OTOGL: variants seen among roughly 807,000 people sequenced by gnomAD.
The protein encoded by OTOGL is otogelin like, also known as otogelin-like protein.
In OTOGL, 285 loss-of-function variants were observed where a neutral mutation model predicts 318.5. The ratio of observed to expected loss-of-function variants is 0.89; its 90% CI spans 0.81 to 0.99. The LOEUF (loss-of-function observed/expected upper bound fraction) is 0.99. Ranked by LOEUF, OTOGL falls within the 50% of genes least tolerant of loss-of-function variation. The pLI is 0.00. For missense variants in OTOGL, 2,899 were observed against 2,845.6 expected (o/e 1.02, Z -0.43); for synonymous variants, 987 against 936.5 (o/e 1.05, Z -0.99).
chr12:80,267,385 T>C, intron 22 of OTOGL, 58 bp downstream of exon 22: 1 of 893,800 alleles, frequency 1.1e-6, no homozygotes, highest in Non-Finnish European at 1.5e-6. Flanking sequence ...AATATAATTC[T>C]TTCTTTTATA....
In OTOGL at chr12:80,353,486, C is replaced by T; in HGVS notation, c.5569C>T (p.Gln1857Ter). 1 of 1,583,252 alleles carries T rather than the reference C, an allele frequency of 6.3e-7. No homozygotes were observed. Residue 1857 changes from glutamine (Q) to a stop codon, truncating the protein, a stop_gained, in exon 46 of 59, where the codon CAG becomes TAG. Transcript: ENST00000547103. LOFTEE classifies it high-confidence loss of function. ...TATTCTTCACAGGCCACATTCAGCCCAGTGCATTCCAGAGAAAGAGTGTGG... is the reference window on the plus strand; with the variant it reads ...TATTCTTCACAGGCCACATTCAGCCTAGTGCATTCCAGAGAAAGAGTGTGG... ...GTILHRPHSA[Q>*]CIPEKECACT...
chr12:80,344,708 T>C (rs1221932494), intron 44 of OTOGL, among the ~76,000 whole-genome samples: 2 of 152,084 alleles, frequency 1.3e-5, no homozygotes, highest in East Asian at 3.8e-4. Context: ...TTTATTTTTA[T>C]AAATAACAAG....
intron 1 of OTOGL, among the ~76,000 whole-genome samples, chr12:80,128,713 G>A (rs1224134533): frequency 6.6e-6 from 1 of 152,180 alleles, no homozygotes; most frequent in African/African-American, 2.4e-5. Flanking sequence ...TGGCTGCTTT[G>A]TTTACCTAGT....
At chr12:80,175,042 C>A (rs759717964) in intron 1 of OTOGL, among the ~76,000 whole-genome samples, 41 of 151,906 alleles carry the variant, frequency 2.7e-4, no homozygotes, top group Non-Finnish European at 5.0e-4. Context: ...GGTGTCTTAT[C>A]AAAAACACAT....
rs181626351 is a variant in OTOGL at position 80,128,694 on chromosome 12, C to T, written c.-20+29089C>T. ...GAGCTGTGGTAGGCTCCACCTAGTTCGAGCTTCCTGGCTGCTTTGTTTACC... is the reference window on the plus strand; with the variant it reads ...GAGCTGTGGTAGGCTCCACCTAGTTTGAGCTTCCTGGCTGCTTTGTTTACC... On this transcript the variant is annotated intron_variant, in intron 1 of 58. Transcript: ENST00000547103. Among the ~76,000 whole-genome samples the T allele has an allele frequency of 6.4e-3, 973 of 152,336 alleles. 14 individuals carry two copies. The highest frequency in any genetic ancestry group is 0.021 in the African/African-American group (859 of 41,590).
At chr12:80,105,098 C>A (rs1274890122) in intron 1 of OTOGL, among the ~76,000 whole-genome samples, 1 of 151,928 alleles carries the variant, frequency 6.6e-6, no homozygotes, top group East Asian at 1.9e-4. Context: ...AGCAAAACTC[C>A]GTCTCAAAAA....
intron 44 of OTOGL, chr12:80,343,526 T>TTTTTTTTTTTTTTTTTTTTTTTTTTC (rs1555301044): frequency 1.4e-4 from 17 of 118,158 alleles, no homozygotes; most frequent in East Asian, 4.4e-4. Context: ...TTTTTTTTTT[T>TTTTTTTTTTTTTTTTTTTTTTTTTTC]TTTTTTTTTT....
intron 1 of OTOGL, among the ~76,000 whole-genome samples, chr12:80,116,520 G>A (rs1159561997): frequency 6.6e-6 from 1 of 152,084 alleles, no homozygotes; most frequent in Non-Finnish European, 1.5e-5. Context: ...GTCATCCACT[G>A]CATTAATCTT....
chr12:80,303,880 G>A (rs1284783358), intron 28 of OTOGL, among the ~76,000 whole-genome samples: 1 of 152,158 alleles, frequency 6.6e-6, no homozygotes, highest in Non-Finnish European at 1.5e-5. Context: ...GGGACACAGA[G>A]CCAAGCCATG....
At chr12:80,247,159 T>C (rs1207062270) in intron 11 of OTOGL, among the ~76,000 whole-genome samples, 18 of 147,008 alleles carry the variant, frequency 1.2e-4, no homozygotes, top group Non-Finnish European at 2.1e-4. Context: ...GTGTCTCTGT[T>C]TCCTTCAGTT....
At chr12:80,159,606 C>T (rs1012008410) in intron 1 of OTOGL, among the ~76,000 whole-genome samples, 15 of 151,990 alleles carry the variant, frequency 9.9e-5, no homozygotes, top group African/African-American at 3.4e-4. Context: ...ATAGATGGCA[C>T]AAACAAATGG....
chr12:80,141,056 T>G (rs1378626542), intron 1 of OTOGL, among the ~76,000 whole-genome samples: 2 of 152,204 alleles, frequency 1.3e-5, no homozygotes, highest in Admixed American at 6.6e-5. Context: ...ATGATATTTC[T>G]GTAGCTCTTG....
At chr12:80,356,222 G>A (rs943222061) in intron 47 of OTOGL, 194 bp from the exon 48 acceptor site, 43 of 611,264 alleles carry the variant, frequency 7.0e-5, no homozygotes, top group Non-Finnish European at 1.1e-4. Flanking sequence ...ATAGAAAAAT[G>A]TCAAAGCTGC....
chr12:80,123,685 C>T (rs1310179633), intron 1 of OTOGL, among the ~76,000 whole-genome samples: 4 of 152,080 alleles, frequency 2.6e-5, no homozygotes, highest in African/African-American at 9.7e-5. Flanking sequence ...TTCTCCACAT[C>T]CTCTCCAGCA....
At chr12:80,330,000 TAA>T (rs1887971253) in intron 37 of OTOGL, among the ~76,000 whole-genome samples, 1 of 152,172 alleles carries the variant, frequency 6.6e-6, no homozygotes, top group African/African-American at 2.4e-5. Flanking sequence ...TTGGGTAGGC[TAA>T]GAGAAGAGGG....
At chr12:80,280,452 C>A (rs1565951196) in intron 26 of OTOGL, among the ~76,000 whole-genome samples, 1 of 132,684 alleles carries the variant, frequency 7.5e-6, no homozygotes, top group Non-Finnish European at 1.7e-5. Context: ...GTCTTTAATC[C>A]ATCTTTGGTT....
chr12:80,331,405 A>G (rs1888059375), intron 37 of OTOGL, among the ~76,000 whole-genome samples: 1 of 124,366 alleles, frequency 8.0e-6, no homozygotes. Context: ...CAGTGGCATG[A>G]TCTTGGCTCA....
chr12:80,239,432 C>A lies in OTOGL; in HGVS notation c.1045C>A (p.Leu349Ile). The A allele has an allele frequency of 6.4e-7, 1 of 1,570,766 alleles. No individual in the cohort carries two copies. The highest frequency in any genetic ancestry group is 8.7e-7 in the Non-Finnish European group (1 of 1,154,734). The part of the protein sequence containing the change: ...YLYIASCVND[L>I]CKTDDDETYC... ...ATATATTGCCAGCTGTGTTAATGAT[C>A]TTTGCAAGTAAGTGAAATGACTTGT... The change falls in exon 11 of 59, where the codon CTT becomes ATT. Residue 349 changes from leucine to isoleucine, a missense_variant. By Grantham distance (5) the Leu-to-Ile change is conservative. This residue lies in a region of OTOGL where 2,607 missense variants were observed against 2,524.9 expected (regional missense o/e 1.03). Coordinates refer to ENST00000547103, the MANE Select transcript of OTOGL (RefSeq NM_001378609.3).
intron 33 of OTOGL, 50 bp from the exon 34 acceptor site, chr12:80,320,372 G>A: frequency 1.3e-6 from 2 of 1,508,918 alleles, no homozygotes; most frequent in East Asian, 2.3e-5. Flanking sequence ...TGATGCCAAT[G>A]TTGATGATCT....
Sources: gnomAD v4.1 joint callset for allele counts (sites outside exome capture counted in the v4.1 genomes callset) on GRCh38, gnomAD v4.1.1 for gene constraint, gnomAD v4.1.1 regional missense constraint, MANE v1.5 for transcripts, NCBI Gene and HGNC (gene_info 2026-07-23, HGNC 2026-07-21) for gene names.